Variants in PPHLN1 observed in about 807,000 individuals in gnomAD.
PPHLN1 encodes periphilin-1.
Under a neutral mutation model 51.3 loss-of-function variants are expected in PPHLN1, and 29 were observed. The ratio of observed to expected loss-of-function variants is 0.57; its 90% CI spans 0.42 to 0.77. The LOEUF (loss-of-function observed/expected upper bound fraction) is 0.77. Among genes scored for constraint, PPHLN1 ranks in the 30% least tolerant of loss-of-function variants. The pLI is 0.00. For missense variants in PPHLN1, 436 were observed against 438.4 expected (o/e 0.99, Z 0.05); for synonymous variants, 147 against 147.8 (o/e 0.99, Z 0.04).
chr12:42,362,729 A>G (rs1592404122), intron 4 of PPHLN1, among the ~76,000 whole-genome samples: 13 of 152,158 alleles, frequency 8.5e-5, no homozygotes, highest in Admixed American at 7.2e-4. Context: ...CTTTTATTGC[A>G]TACTTTTATC....
Position 42,352,814 on chromosome 12 carries a change from C to T in PPHLN1, c.237+765C>T, listed in dbSNP as rs191751743. ...AATTTAAAAATGTTAGCTGGCTGGG[C>T]ATAGCGGCTCACACCTGTAATCCCA... On this transcript the variant is annotated intron_variant, in intron 3 of 9. Transcript: ENST00000358314. 1.4e-3 allele frequency among the ~76,000 whole-genome samples: 218 copies of T among 152,184 alleles called. 1 individual carries two copies. Among genetic ancestry groups the T allele is most frequent in the African/African-American group, 5.2e-3 (214 of 41,544 alleles).
At chr12:42,379,220 A>G (rs1187913067) in intron 5 of PPHLN1, among the ~76,000 whole-genome samples, 1 of 151,940 alleles carries the variant, frequency 6.6e-6, no homozygotes, top group Non-Finnish European at 1.5e-5. Flanking sequence ...CACTAAGTTC[A>G]GTCTCCCACA....
At chr12:42,364,025 A>G (rs543861333) in intron 4 of PPHLN1, among the ~76,000 whole-genome samples, 3 of 151,986 alleles carry the variant, frequency 2.0e-5, no homozygotes, top group East Asian at 3.9e-4. Context: ...GGAGTTTGAG[A>G]CCAGCCTGGC....
At chr12:42,330,778 T>C (rs11181428) in intron 1 of PPHLN1, among the ~76,000 whole-genome samples, 92,791 of 152,018 alleles carry the variant, frequency 0.61, 28,516 homozygotes, top group Admixed American at 0.67. Context: ...GGTGCAATCT[T>C]GGCTCGCTGC....
At chr12:42,420,899 A>G (rs770224672) in intron 9 of PPHLN1, among the ~76,000 whole-genome samples, 5 of 152,004 alleles carry the variant, frequency 3.3e-5, no homozygotes, top group Non-Finnish European at 7.4e-5. Context: ...TATAATGTCA[A>G]CTGTCTTCCC....
intron 1 of PPHLN1, among the ~76,000 whole-genome samples, chr12:42,333,777 C>T (rs552902776): frequency 2.6e-5 from 4 of 152,294 alleles, no homozygotes; most frequent in Non-Finnish European, 5.9e-5. Context: ...CCGCTGCGCC[C>T]GGCCAACCTC....
chr12:42,419,363 T>A (rs535967671), intron 9 of PPHLN1, among the ~76,000 whole-genome samples: 1 of 150,244 alleles, frequency 6.7e-6, no homozygotes, highest in African/African-American at 2.5e-5. Context: ...TGCCTCAGCC[T>A]CCCGAATAAC....
In PPHLN1 at chr12:42,335,896, A is replaced by G; in HGVS notation, c.-7A>G. On this transcript the variant is annotated 5_prime_UTR_variant, in exon 2 of 10. Transcript: ENST00000358314. Reference sequence around the variant, plus strand: ...TTTTTTCTTTAGTGGCTTACAGAAGAGACGAAATGTGGTCTGAGGGACGAT... The same window carrying G: ...TTTTTTCTTTAGTGGCTTACAGAAGGGACGAAATGTGGTCTGAGGGACGAT... 1.3e-6 allele frequency: 2 copies of G among 1,559,760 alleles called. No individual in the cohort carries two copies. Among genetic ancestry groups the G allele is most frequent in the Non-Finnish European group, 1.7e-6 (2 of 1,151,276 alleles).
intron 9 of PPHLN1, among the ~76,000 whole-genome samples, chr12:42,411,686 C>A (rs2079845316): frequency 7.0e-6 from 1 of 143,264 alleles, no homozygotes; most frequent in Non-Finnish European, 1.5e-5. Context: ...GGGTGGATCA[C>A]CTGAGGTCAG....
intron 9 of PPHLN1, among the ~76,000 whole-genome samples, chr12:42,404,634 C>T (rs1355201102): frequency 1.3e-5 from 2 of 152,194 alleles, no homozygotes; most frequent in African/African-American, 4.8e-5. Flanking sequence ...CGACTATTTG[C>T]CTCTTACCTC....
At chr12:42,409,508 A>G (rs1188396699) in intron 9 of PPHLN1, among the ~76,000 whole-genome samples, 5 of 152,138 alleles carry the variant, frequency 3.3e-5, no homozygotes, top group African/African-American at 1.2e-4. Context: ...AGTGTTACTT[A>G]GGGATAGGGA....
chr12:42,411,826 A>G (rs2079861414), intron 9 of PPHLN1, among the ~76,000 whole-genome samples: 1 of 140,546 alleles, frequency 7.1e-6, no homozygotes, highest in Admixed American at 7.9e-5. Context: ...AATCGCTGGC[A>G]CCCAGAGGTG....
At chr12:42,357,429 G>A (rs1654138750) in intron 4 of PPHLN1, among the ~76,000 whole-genome samples, 1 of 152,158 alleles carries the variant, frequency 6.6e-6, no homozygotes, top group Non-Finnish European at 1.5e-5. Flanking sequence ...AAATAGACCA[G>A]TGAAACAGAA....
chr12:42,411,923 A>G (rs1436995888), intron 9 of PPHLN1, among the ~76,000 whole-genome samples: 2 of 116,532 alleles, frequency 1.7e-5, no homozygotes, highest in East Asian at 2.8e-4. Context: ...AAAAAAAAAA[A>G]GGGCTGGGCG....
intron 2 of PPHLN1, chr12:42,343,850 G>A: frequency 2.3e-6 from 1 of 433,936 alleles, no homozygotes; most frequent in Non-Finnish European, 4.6e-6. Flanking sequence ...TTGACACACT[G>A]TCACCAAAAG....
intron 1 of PPHLN1, among the ~76,000 whole-genome samples, chr12:42,327,685 A>G (rs889066337): frequency 2.6e-5 from 4 of 152,192 alleles, no homozygotes; most frequent in African/African-American, 7.2e-5. Context: ...CTTCTTTGCC[A>G]TCCCTACTAA....
At chr12:42,396,865 CAA>C (rs374413083) in intron 8 of PPHLN1, among the ~76,000 whole-genome samples, 5 of 94,248 alleles carry the variant, frequency 5.3e-5, no homozygotes, top group Non-Finnish European at 4.5e-5. Flanking sequence ...CCCATCTGTA[CAA>C]AAAAAAAAAA....
Position 42,379,715 on chromosome 12 carries a change from G to GA in PPHLN1, c.511+4650dup, listed in dbSNP as rs1001951170. Among the ~76,000 whole-genome samples the GA allele has an allele frequency of 2.5e-4, 37 of 149,964 alleles. 1 individual carries two copies. Among genetic ancestry groups the GA allele is most frequent in the East Asian group, 1.6e-3 (8 of 5,146 alleles). ...ATTGTATGTGTGTAGTTAATGCATT[G>GA]AAAAAAAAACTAGAAATACTACATT... On this transcript the variant is annotated intron_variant, in intron 5 of 9. Coordinates refer to ENST00000358314, the MANE Select transcript of PPHLN1 (RefSeq NM_201439.2).
At position 42,441,547 on chromosome 12, in the gene PPHLN1, T is replaced by C. The variant is rs747852538; in HGVS notation, c.*38T>C. On this transcript the variant is annotated 3_prime_UTR_variant, in exon 10 of 10. Transcript: ENST00000358314. ...AGGCTAAAAAAAAAAAAAAACAGTT[T>C]CTAAAAATTTTTTTTCCTGGATTGT... The C allele has an allele frequency of 4.0e-6, 6 of 1,492,060 alleles. No individual in the cohort carries two copies. The highest frequency in any genetic ancestry group is 5.3e-6 in the Non-Finnish European group (6 of 1,123,364). 92.4% of individuals were successfully genotyped at this position (1,492,060 alleles called of 1,614,324 possible). A position where few individuals can be genotyped will look rare whatever the true frequency, so the allele number is the denominator to read the frequency against.
Sources: allele counts gnomAD v4.1 joint callset (sites outside exome capture counted in the v4.1 genomes callset), GRCh38; gene constraint gnomAD v4.1.1; transcripts MANE v1.5; gene names NCBI Gene and HGNC (gene_info 2026-07-23, HGNC 2026-07-21).